Variants in MAN1C1 observed in about 807,000 individuals in gnomAD.
MAN1C1 encodes mannosidase alpha class 1C member 1.
In MAN1C1, 49 loss-of-function variants were observed where a neutral mutation model predicts 71.5. The observed-to-expected ratio is 0.69, with a 90% CI of 0.54 to 0.87. The LOEUF (loss-of-function observed/expected upper bound fraction) is 0.87, where lower values mean the gene tolerates loss of function less well. Among genes scored for constraint, MAN1C1 ranks in the 40% least tolerant of loss-of-function variants. The pLI is 0.00. For synonymous variants in MAN1C1, 352 were observed against 343.7 expected (o/e 1.02, Z -0.27); for missense variants, 743 against 835.0 (o/e 0.89, Z 1.36).
At chr1:25,728,910 C>T (rs568597981) in intron 2 of MAN1C1, among the ~76,000 whole-genome samples, 11 of 152,188 alleles carry the variant, frequency 7.2e-5, no homozygotes, top group Non-Finnish European at 1.3e-4. Flanking sequence ...GTCACCTAGG[C>T]GTCAACAAGT....
In MAN1C1 at chr1:25,617,977, G is replaced by A; in HGVS notation, c.180G>A (p.Gln60=). The change falls in exon 1 of 12, where the codon CAG becomes CAA. Residue 60 remains glutamine (Q), a synonymous_variant. Transcript: ENST00000374332. This position sits in a 1 kb window ranked among gnomAD's most constrained non-coding sequence, Gnocchi z 5.1. ...KRLFLAPRTQ[Q]PGLEVVAEIA... The stretch of plus-strand genomic sequence containing the variant: ...TCTTCCTGGCCCCCCGGACCCAGCA[G>A]CCTGGTCTGGAAGTGGTGGCTGAAA... 6.2e-7 allele frequency: 1 copy of A among 1,607,766 alleles called. No homozygotes were observed. Among genetic ancestry groups the A allele is most frequent in the Non-Finnish European group, 8.5e-7 (1 of 1,177,856 alleles).
Position 25,778,227 on chromosome 1 carries a change from C to T in MAN1C1, c.1380C>T (p.Ala460=), listed in dbSNP as rs1572214991. The T allele has an allele frequency of 6.2e-7, 1 of 1,614,064 alleles. No individual in the cohort carries two copies. The highest frequency in any genetic ancestry group is 8.5e-7 in the Non-Finnish European group (1 of 1,179,988). The stretch of plus-strand genomic sequence containing the variant: ...CCTGTTTCTCCGGGGGCATGATCGC[C>T]CTTGGCGCCGAGGATGCCAAGGAAG... ...HLACFSGGMI[A]LGAEDAKEEK... The change falls in exon 9 of 12, where the codon GCC becomes GCT. Residue 460 remains alanine (A), a synonymous_variant. Transcript: ENST00000374332. The surrounding 1 kb of genome is among the most constrained non-coding windows in gnomAD (Gnocchi z 5.5).
At chr1:25,781,195 G>A in intron 10 of MAN1C1, 83 bp downstream of exon 10, 1 of 1,505,710 alleles carries the variant, frequency 6.6e-7, no homozygotes, top group Non-Finnish European at 9.1e-7. Context: ...CCTGGCTTGG[G>A]CCTGGAGTGG....
chr1:25,784,108 G>T lies in MAN1C1; in HGVS notation c.*319G>T. On this transcript the variant is annotated 3_prime_UTR_variant, in exon 12 of 12. Transcript: ENST00000374332. ...CCTTGTATTTGATTTGCTTCCTTTT[G>T]GTTTCTTGGTTTTTGTTTTTGCTTG... The T allele has an allele frequency of 4.3e-6, 1 of 234,366 alleles. No homozygotes were observed. The highest frequency in any genetic ancestry group is 8.3e-6 in the Non-Finnish European group (1 of 120,104). 14.5% of individuals were successfully genotyped at this position (234,366 alleles called of 1,614,324 possible).
chr1:25,736,631 A>G (rs2046986601), intron 2 of MAN1C1, among the ~76,000 whole-genome samples: 1 of 151,988 alleles, frequency 6.6e-6, no homozygotes, highest in Admixed American at 6.5e-5. Flanking sequence ...GGCTCAAGCA[A>G]TCTTCCCACC....
intron 4 of MAN1C1, among the ~76,000 whole-genome samples, chr1:25,750,902 C>T (rs567289246): frequency 9.2e-5 from 14 of 152,224 alleles, no homozygotes; most frequent in East Asian, 1.9e-4. Flanking sequence ...GCTCTCGGGG[C>T]GGTTTGGGGG....
intron 1 of MAN1C1, among the ~76,000 whole-genome samples, chr1:25,648,626 C>G (rs1011053259): frequency 6.6e-6 from 1 of 152,238 alleles, no homozygotes; most frequent in African/African-American, 2.4e-5. Flanking sequence ...AAGAGACAAG[C>G]CCTCACCTGG....
chr1:25,630,707 C>T (rs940810611), intron 1 of MAN1C1, among the ~76,000 whole-genome samples: 1 of 152,058 alleles, frequency 6.6e-6, no homozygotes, highest in African/African-American at 2.4e-5. Flanking sequence ...TGATTCTTAG[C>T]TTGGTTGTTG....
At chr1:25,650,461 T>G (rs769960630) in intron 1 of MAN1C1, among the ~76,000 whole-genome samples, 7 of 152,194 alleles carry the variant, frequency 4.6e-5, no homozygotes, top group Non-Finnish European at 1.0e-4. Context: ...TCCAGTCTAC[T>G]TCCACGTAAC....
intron 1 of MAN1C1, among the ~76,000 whole-genome samples, chr1:25,655,778 G>A (rs1283110307): frequency 1.3e-5 from 2 of 152,128 alleles, no homozygotes; most frequent in African/African-American, 4.8e-5. Flanking sequence ...CTTGTTCTGG[G>A]GGTTAATAGG....
rs1458164361 is a variant in MAN1C1, at chr1:25,783,692, A to G, written c.1796A>G (p.Asp599Gly). The change falls in exon 12 of 12, where the codon GAC becomes GGC. Residue 599 changes from aspartate (D) to glycine (G), a missense_variant. Asp to Gly is a moderately conservative substitution (Grantham distance 94, BLOSUM62 -1). Coordinates refer to ENST00000374332, the MANE Select transcript of MAN1C1 (RefSeq NM_020379.4). ...CTCTATCTTCTGTTCTCTGAAGATG[A>G]CTTGCTCTCCCTGGAAGACTGGGTG... Reference protein sequence around the residue: ...KYLYLLFSEDDLLSLEDWVFN... With the variant: ...KYLYLLFSEDGLLSLEDWVFN... 1 of 1,613,254 alleles carries G rather than the reference A, an allele frequency of 6.2e-7. No homozygotes were observed. Among genetic ancestry groups the G allele is most frequent in the Non-Finnish European group, 8.5e-7 (1 of 1,179,988 alleles).
At chr1:25,754,733 T>G (rs548865610) in intron 5 of MAN1C1, among the ~76,000 whole-genome samples, 18 of 152,166 alleles carry the variant, frequency 1.2e-4, no homozygotes, top group African/African-American at 3.4e-4. Flanking sequence ...GGGTAGGACA[T>G]CATTGGGGGC....
At chr1:25,763,525 C>A in intron 6 of MAN1C1, 1 of 188,466 alleles carries the variant, frequency 5.3e-6, no homozygotes, top group Non-Finnish European at 1.1e-5. Context: ...CCAAAAGAAT[C>A]CCTCAAAGTA....
chr1:25,708,887 G>C (rs1322648619), intron 2 of MAN1C1, among the ~76,000 whole-genome samples: 1 of 149,634 alleles, frequency 6.7e-6, no homozygotes, highest in African/African-American at 2.5e-5. Context: ...GCTGTCAAAA[G>C]AAGAAAAAAA....
At chr1:25,738,348 G>A (rs942144666) in intron 2 of MAN1C1, among the ~76,000 whole-genome samples, 2 of 152,138 alleles carry the variant, frequency 1.3e-5, no homozygotes, top group African/African-American at 4.8e-5. Flanking sequence ...TATGCCGCCA[G>A]AAGACCTCAT....
At position 25,618,167 on chromosome 1, in the gene MAN1C1, G is replaced by C; in HGVS notation, c.370G>C (p.Ala124Pro). ...PTGPREEATA[A>P]RGNSIPASRP... is the part of the protein sequence containing the mutation. ...TGGACCCCGCGAGGAGGCCACGGCG[G>C]CCCGGGGCAATAGCATCCCGGCCTC... Residue 124 changes from alanine (A) to proline (P), a missense_variant, in exon 1 of 12, where the codon GCC becomes CCC. Coordinates refer to ENST00000374332, the MANE Select transcript of MAN1C1 (RefSeq NM_020379.4). 6.4e-7 allele frequency: 1 copy of C among 1,554,390 alleles called. No homozygotes were observed. Among genetic ancestry groups the C allele is most frequent in the East Asian group, 2.4e-5 (1 of 41,528 alleles).
At position 25,634,690 on chromosome 1, in the gene MAN1C1, C is replaced by T. The variant is rs2045430967; in HGVS notation, c.540+16353C>T. ...AAAAAATCAGCCGGGCTTCTTGGCA[C>T]ACGCCTGTAGTCCCAGCTATTCAGG... is the stretch of plus-strand genomic sequence containing the variant. On this transcript the variant is annotated intron_variant, in intron 1 of 11. Coordinates refer to ENST00000374332, the MANE Select transcript of MAN1C1 (RefSeq NM_020379.4). The surrounding 1 kb of genome is among the most constrained non-coding windows in gnomAD (Gnocchi z 4.6). 6.6e-6 allele frequency among the ~76,000 whole-genome samples: 1 copy of T among 152,042 alleles called. No individual in the cohort carries two copies. The highest frequency in any genetic ancestry group is 1.5e-5 in the Non-Finnish European group (1 of 68,004).
chr1:25,691,127 G>A (rs1222642296), intron 2 of MAN1C1, among the ~76,000 whole-genome samples: 3 of 152,134 alleles, frequency 2.0e-5, no homozygotes, highest in East Asian at 1.9e-4. Context: ...GACAAGCCTG[G>A]CCAACATGGT....
At chr1:25,652,197 G>A (rs2045702320) in intron 1 of MAN1C1, among the ~76,000 whole-genome samples, 1 of 152,234 alleles carries the variant, frequency 6.6e-6, no homozygotes, top group Non-Finnish European at 1.5e-5. Context: ...GCTGCCGCAT[G>A]TCAGGCCCTG....
Sources: allele counts gnomAD v4.1 joint callset (sites outside exome capture counted in the v4.1 genomes callset), GRCh38; gene constraint gnomAD v4.1.1; non-coding constraint Gnocchi (gnomAD v3.1); transcripts MANE v1.5; gene names NCBI Gene and HGNC (gene_info 2026-07-23, HGNC 2026-07-21).